The following RAB23 variants were observed in gnomAD, a reference collection of about 807,000 sequenced individuals.
The protein encoded by RAB23 is RAB23, member RAS oncogene family.
Under a neutral mutation model 30.0 loss-of-function variants are expected in RAB23, and 15 were observed. The ratio of observed to expected loss-of-function variants is 0.50; its 90% confidence interval spans 0.33 to 0.77. The LOEUF is 0.77. Among genes scored for constraint, RAB23 ranks in the 30% least tolerant of loss-of-function variants. The pLI, the probability that RAB23 is intolerant of heterozygous loss-of-function variation, is 0.02. For synonymous variants in RAB23, 93 were observed against 94.0 expected (o/e 0.99, Z 0.06); for missense variants, 243 against 275.4 (o/e 0.88, Z 0.83).
chr6:57,217,273 A>C (rs1474640462), intron 1 of RAB23, among the ~76,000 whole-genome samples: 1 of 151,706 alleles, frequency 6.6e-6, no homozygotes, highest in Non-Finnish European at 1.5e-5. Context: ...TTTGTGGGGC[A>C]CAGCTAAATT....
chr6:57,203,459 A>G (rs896642456), intron 3 of RAB23, among the ~76,000 whole-genome samples: 8 of 152,234 alleles, frequency 5.3e-5, no homozygotes, highest in African/African-American at 1.7e-4. Context: ...AAGAACAGAC[A>G]TTTCATGCAG....
chr6:57,211,460 T>TA (rs1442041307), intron 1 of RAB23, among the ~76,000 whole-genome samples: 3 of 151,716 alleles, frequency 2.0e-5, no homozygotes, highest in East Asian at 1.9e-4. Context: ...ATGCTGTCTC[T>TA]AAAAAAAATT....
rs1764667323 is a variant in RAB23 at position 57,187,857 on chromosome 6, T to C, written c.*2604A>G. On this transcript the variant is annotated 3_prime_UTR_variant, in exon 7 of 7. Coordinates refer to ENST00000468148, the MANE Select transcript of RAB23 (RefSeq NM_016277.5). ...TCATCCTCTTTTTGGTAGTTTTAGC[T>C]TTATTTTGAAAAAGTAACGTGTGCT... is the stretch of plus-strand genomic sequence containing the variant. 1 of 152,110 alleles carries C rather than the reference T, an allele frequency of 6.6e-6. No homozygotes were observed. Among genetic ancestry groups the C allele is most frequent in the Non-Finnish European group, 1.5e-5 (1 of 68,018 alleles). The allele number at this position is 152,110 out of a possible 1,614,324, so 9.4% of individuals were successfully genotyped here. A position where few individuals can be genotyped will look rare whatever the true frequency, so the allele number is the denominator to read the frequency against.
chr6:57,200,156 C>A (rs993519792), intron 3 of RAB23, among the ~76,000 whole-genome samples: 1 of 151,214 alleles, frequency 6.6e-6, no homozygotes, highest in Non-Finnish European at 1.5e-5. Flanking sequence ...GCTGATCCTG[C>A]TGCACAACTC....
chr6:57,202,236 T>A (rs1765294750), intron 3 of RAB23, among the ~76,000 whole-genome samples: 1 of 152,230 alleles, frequency 6.6e-6, no homozygotes, highest in Non-Finnish European at 1.5e-5. Flanking sequence ...TTTAATTTCA[T>A]CACTATCTAA....
rs1173099637 is a variant in RAB23, at chr6:57,196,533, C to G, written c.315G>C (p.Glu105Asp). ...TATCTCCCACTTCGGCTACTACTTT[C>G]TCTCTCCAACTGGAAACTGCTTCAA... ...ESFEAVSSWREKVVAEVGDIP... is the reference protein window; with the variant it reads ...ESFEAVSSWRDKVVAEVGDIP... The change falls in exon 4 of 7, where the codon GAG (glutamate) becomes GAC (aspartate). Residue 105 changes from glutamate to aspartate, a missense_variant. Glu to Asp is a conservative substitution (Grantham distance 45, BLOSUM62 2). Transcript: ENST00000468148. The G allele has an allele frequency of 6.2e-7, 1 of 1,614,066 alleles. No homozygotes were observed. The highest frequency in any genetic ancestry group is 1.1e-5 in the South Asian group (1 of 91,084).
intron 6 of RAB23, among the ~76,000 whole-genome samples, chr6:57,193,277 A>G (rs1764909149): frequency 1.3e-5 from 2 of 152,188 alleles, no homozygotes; most frequent in South Asian, 2.1e-4. Context: ...TTGTTTCTAC[A>G]TATGTAGTGA....
chr6:57,211,758 T>C (rs999725649), intron 1 of RAB23, among the ~76,000 whole-genome samples: 7 of 152,196 alleles, frequency 4.6e-5, no homozygotes, highest in Admixed American at 6.5e-5. Context: ...GTGAAAGCAA[T>C]AGAATGGGCA....
rs1289937158 is a variant in RAB23 at position 57,221,861 on chromosome 6, G to A, written c.-201C>T. 1 of 152,530 alleles carries A rather than the reference G, an allele frequency of 6.6e-6. No individual in the cohort carries two copies. The allele number at this position is 152,530 out of a possible 1,614,324, so 9.4% of individuals were successfully genotyped here. On this transcript the variant is annotated 5_prime_UTR_variant, in exon 1 of 7. Transcript: ENST00000468148. Reference sequence around the variant, plus strand: ...GGGGGATGGGGGAGCCGGGCCGGGAGGCCCCTGCCCTCGATACCCCTGCCC... The same window carrying A: ...GGGGGATGGGGGAGCCGGGCCGGGAAGCCCCTGCCCTCGATACCCCTGCCC...
At chr6:57,194,364 A>G (rs1005213894) in intron 5 of RAB23, among the ~76,000 whole-genome samples, 12 of 152,076 alleles carry the variant, frequency 7.9e-5, no homozygotes, top group Non-Finnish European at 1.6e-4. Flanking sequence ...TTCTAATTTC[A>G]CTTTCTTAAA....
At chr6:57,195,650 G>C (rs531499370) in intron 4 of RAB23, among the ~76,000 whole-genome samples, 18 of 152,224 alleles carry the variant, frequency 1.2e-4, no homozygotes, top group Admixed American at 1.1e-3. Context: ...TGTGAGAATA[G>C]GAGAGGCCCA....
At chr6:57,212,309 A>G (rs543757994) in intron 1 of RAB23, among the ~76,000 whole-genome samples, 1 of 152,190 alleles carries the variant, frequency 6.6e-6, no homozygotes, top group East Asian at 1.9e-4. Flanking sequence ...ACTAGCTGAG[A>G]TTTTTTCAGA....
At position 57,190,498 on chromosome 6, in the gene RAB23, T is replaced by C; in HGVS notation, c.677A>G (p.Lys226Arg). Residue 226 changes from lysine (K) to arginine (R), a missense_variant, in exon 7 of 7, where the codon AAA becomes AGA. Physicochemically the swap from Lys to Arg is conservative, Grantham distance 26. Transcript: ENST00000468148. ...ACAGCTGCTAAAAGGATTTCTGTTTTTCTTGGTCCTTTGTTTGTTGGGTCT... is the reference window on the plus strand; with the variant it reads ...ACAGCTGCTAAAAGGATTTCTGTTTCTCTTGGTCCTTTGTTTGTTGGGTCT... ...NLRPNKQRTKKNRNPFSSCSI... is the reference protein window; with the variant it reads ...NLRPNKQRTKRNRNPFSSCSI... The C allele has an allele frequency of 6.2e-7, 1 of 1,614,148 alleles. No individual in the cohort carries two copies.
chr6:57,213,605 T>C (rs931037645), intron 1 of RAB23, among the ~76,000 whole-genome samples: 2 of 152,206 alleles, frequency 1.3e-5, no homozygotes, highest in African/African-American at 4.8e-5. Context: ...GCTTCTGAAA[T>C]GATACACATT....
chr6:57,200,256 T>C (rs1233569877), intron 3 of RAB23, among the ~76,000 whole-genome samples: 2 of 151,700 alleles, frequency 1.3e-5, no homozygotes, highest in South Asian at 2.1e-4. Flanking sequence ...AAGAATGTCT[T>C]GGCCGGGTGC....
At chr6:57,194,282 A>C (rs1764941143) in intron 5 of RAB23, among the ~76,000 whole-genome samples, 1 of 152,108 alleles carries the variant, frequency 6.6e-6, no homozygotes, top group African/African-American at 2.4e-5. Flanking sequence ...CAAAATAGAC[A>C]TCCAAGAGAA....
chr6:57,217,414 C>T (rs192193336), intron 1 of RAB23, among the ~76,000 whole-genome samples: 7 of 152,228 alleles, frequency 4.6e-5, no homozygotes, highest in African/African-American at 1.7e-4. Context: ...CATGTTCAAA[C>T]AATCCTGCCT....
Position 57,190,349 on chromosome 6 carries a change from GA to G in RAB23, c.*111del. 1 of 1,269,830 alleles carries G rather than the reference GA, an allele frequency of 7.9e-7. No homozygotes were observed. Among genetic ancestry groups the G allele is most frequent in the East Asian group, 2.3e-5 (1 of 43,066 alleles). The allele number at this position is 1,269,830 out of a possible 1,614,324, so 78.7% of individuals were successfully genotyped here. On this transcript the variant is annotated 3_prime_UTR_variant, in exon 7 of 7. Coordinates refer to ENST00000468148, the MANE Select transcript of RAB23 (RefSeq NM_016277.5). ...GCAATATTTAAGTCTGTCACTTTCA[GA>G]GAGCCATTAGGAGCAAAGTCTGCTG...
At chr6:57,198,847 G>A (rs981757284) in intron 3 of RAB23, among the ~76,000 whole-genome samples, 3 of 151,978 alleles carry the variant, frequency 2.0e-5, no homozygotes, top group Admixed American at 1.3e-4. Flanking sequence ...AAGCATATAT[G>A]ATGGAAAAAA....
Sources: gnomAD v4.1 joint callset for allele counts (sites outside exome capture counted in the v4.1 genomes callset) on GRCh38, gnomAD v4.1.1 for gene constraint, MANE v1.5 for transcripts, NCBI Gene and HGNC (gene_info 2026-07-23, HGNC 2026-07-21) for gene names.